The following CLTB variants were observed in gnomAD, a reference collection of about 807,000 sequenced individuals.
CLTB encodes clathrin light chain B.
A neutral mutation model predicts 30.5 loss-of-function variants in CLTB; 10 were observed. The observed-to-expected ratio is 0.33, with a 90% CI of 0.20 to 0.56. The LOEUF is 0.56. Among genes scored for constraint, CLTB ranks in the 20% least tolerant of loss-of-function variants. The pLI is 0.91. For synonymous variants in CLTB, 102 were observed against 120.3 expected (o/e 0.85, Z 1.00); for missense variants, 261 against 308.3 (o/e 0.85, Z 1.15).
chr5:176,394,155 T>A (rs1581420630), intron 5 of CLTB, among the ~76,000 whole-genome samples: 1 of 152,218 alleles, frequency 6.6e-6, no homozygotes, highest in African/African-American at 2.4e-5. Context: ...AGGAAAGTGC[T>A]GCGTGGAGCT....
chr5:176,405,489 CAAAAAAA>C (rs988554368), intron 2 of CLTB: 8,219 of 52,128 alleles, frequency 0.16, 290 homozygotes, highest in Non-Finnish European at 0.22. Flanking sequence ...CCCTGTCTCT[CAAAAAAA>C]AAAAAAAAAA....
At chr5:176,401,561 A>T (rs1192651042) in intron 2 of CLTB, among the ~76,000 whole-genome samples, 1 of 152,200 alleles carries the variant, frequency 6.6e-6, no homozygotes, top group Non-Finnish European at 1.5e-5. Context: ...GGAAGGGAAG[A>T]GAGGGTCATA....
chr5:176,404,344 G>A (rs984877705), intron 2 of CLTB, among the ~76,000 whole-genome samples: 1 of 152,242 alleles, frequency 6.6e-6, no homozygotes, highest in Non-Finnish European at 1.5e-5. Flanking sequence ...GCTCGCCTAG[G>A]GGCTGGGTCA....
intron 1 of CLTB, among the ~76,000 whole-genome samples, chr5:176,414,325 G>T (rs114349935): frequency 0.067 from 10,137 of 152,206 alleles, 492 homozygotes; most frequent in Non-Finnish European, 0.092. Context: ...GGTGCTGGAA[G>T]CTTCCACTTC....
chr5:176,403,088 C>T (rs1756907145), intron 2 of CLTB, among the ~76,000 whole-genome samples: 1 of 144,296 alleles, frequency 6.9e-6, no homozygotes, highest in East Asian at 2.0e-4. Context: ...CTCGCTCTGT[C>T]GCCCAGGCTG....
intron 2 of CLTB, chr5:176,401,970 T>C (rs1756841633): frequency 3.0e-6 from 1 of 336,180 alleles, no homozygotes; most frequent in Non-Finnish European, 5.9e-6. Context: ...GAATGACCTA[T>C]TCGGAGTCTA....
intron 1 of CLTB, among the ~76,000 whole-genome samples, chr5:176,413,251 C>T (rs1014609529): frequency 6.6e-6 from 1 of 152,212 alleles, no homozygotes; most frequent in African/African-American, 2.4e-5. Flanking sequence ...GGGTTTGCTT[C>T]CCTCAGCTGC....
intron 2 of CLTB, chr5:176,406,009 A>T: frequency 3.1e-6 from 1 of 327,748 alleles, no homozygotes; most frequent in Non-Finnish European, 4.4e-6. Context: ...AGGAGAGCAC[A>T]GTGGTGCTGC....
intron 5 of CLTB, among the ~76,000 whole-genome samples, chr5:176,394,687 C>G (rs955588539): frequency 6.6e-6 from 1 of 152,068 alleles, no homozygotes; most frequent in African/African-American, 2.4e-5. Context: ...TGGTGGCGGG[C>G]ACCTGTAGTC....
intron 2 of CLTB, among the ~76,000 whole-genome samples, chr5:176,408,357 A>C (rs1674703906): frequency 6.6e-6 from 1 of 151,886 alleles, no homozygotes; most frequent in African/African-American, 2.4e-5. Flanking sequence ...CAACATGATG[A>C]AACACCATCT....
chr5:176,413,925 C>G (rs137997198), intron 1 of CLTB, among the ~76,000 whole-genome samples: 9 of 152,292 alleles, frequency 5.9e-5, no homozygotes, highest in African/African-American at 2.2e-4. Context: ...AAGAAGCGAG[C>G]GTGTCATTGT....
intron 5 of CLTB, among the ~76,000 whole-genome samples, chr5:176,395,779 G>A (rs1369004856): frequency 6.6e-6 from 1 of 152,168 alleles, no homozygotes; most frequent in African/African-American, 2.4e-5. Context: ...TGTCACAAAG[G>A]AGCAGCTCTT....
At chr5:176,398,822 A>G (rs1756674916) in intron 2 of CLTB, among the ~76,000 whole-genome samples, 2 of 152,100 alleles carry the variant, frequency 1.3e-5, no homozygotes, top group East Asian at 3.9e-4. Context: ...AACTCCTAAC[A>G]CTTAGTCCAA....
chr5:176,410,729 T>C (rs927631089), intron 1 of CLTB, among the ~76,000 whole-genome samples: 13 of 151,276 alleles, frequency 8.6e-5, no homozygotes, highest in African/African-American at 3.2e-4. Context: ...GGGCAGGGGC[T>C]ACACTGGATA....
At chr5:176,415,310 C>T (rs1241317691) in intron 1 of CLTB, among the ~76,000 whole-genome samples, 1 of 152,200 alleles carries the variant, frequency 6.6e-6, no homozygotes, top group African/African-American at 2.4e-5. Flanking sequence ...GTGGCCCACA[C>T]TCCGGTGTCT....
Position 176,397,617 on chromosome 5 carries a change from T to C in CLTB, c.454A>G (p.Ile152Val). 1 of 1,572,688 alleles carries C rather than the reference T, an allele frequency of 6.4e-7. No homozygotes were observed. Among genetic ancestry groups the C allele is most frequent in the Non-Finnish European group, 8.7e-7 (1 of 1,155,936 alleles). ...RQSEQVEKNK[I>V]NNRIADKAFY... ...CTACAGCCCTCTCACCGGTTGTTGA[T>C]CTTGTTCTTCTCTACTTGTTCACTC... Residue 152 changes from isoleucine to valine, a missense_variant, in exon 4 of 6, where the codon ATC becomes GTC. Physicochemically the swap from Ile to Val is conservative, Grantham distance 29. Around this residue, in one of 3 missense-constraint regions of CLTB, gnomAD observed 123 missense variants for 157.0 expected, o/e 0.78. Transcript: ENST00000310418.
rs868492666 is a variant in CLTB at position 176,397,764 on chromosome 5, C to T, written c.353-46G>A. On this transcript the variant is annotated intron_variant, in intron 3 of 5. Transcript: ENST00000310418. ...GAGTGGCTGCTTTCCAGCTGGGATG[C>T]ACAGGCCCGGCCGCGCTCCTCCCCT... The T allele has an allele frequency of 8.2e-6, 13 of 1,579,730 alleles. 1 individual carries two copies. The African/African-American group carries it at 1.3e-4, about 16-fold the overall frequency.
intron 2 of CLTB, among the ~76,000 whole-genome samples, chr5:176,399,500 G>A (rs535054751): frequency 9.8e-5 from 15 of 152,300 alleles, no homozygotes; most frequent in African/African-American, 3.1e-4. Flanking sequence ...CCAGCACTTC[G>A]GGAGGCCAAG....
chr5:176,414,824 C>T (rs977863373), intron 1 of CLTB, among the ~76,000 whole-genome samples: 6 of 152,158 alleles, frequency 3.9e-5, no homozygotes, highest in Non-Finnish European at 7.3e-5. Context: ...CAAGGAGATA[C>T]AGAGTTGCTT....
Sources: allele counts gnomAD v4.1 joint callset (sites outside exome capture counted in the v4.1 genomes callset), GRCh38; gene constraint gnomAD v4.1.1; regional missense constraint gnomAD v4.1.1; transcripts MANE v1.5; gene names NCBI Gene and HGNC (gene_info 2026-07-23, HGNC 2026-07-21).